Variants in HIRA observed in about 807,000 individuals in gnomAD.
HIRA encodes the protein protein HIRA.
HIRA carries 13 observed loss-of-function variants against 126.6 expected under a neutral mutation model. The ratio of observed to expected loss-of-function variants is 0.10; its 90% confidence interval spans 0.07 to 0.16. The LOEUF (loss-of-function observed/expected upper bound fraction) is 0.16. Among genes scored for constraint, HIRA ranks in the 10% least tolerant of loss-of-function variants. HIRA has a pLI of 1.00. For missense variants in HIRA, 834 were observed against 1,314.4 expected, an observed-to-expected ratio of 0.63 and a Z score of 5.65; for synonymous variants, 511 against 520.0, an observed-to-expected ratio of 0.98 and a Z score of 0.24.
intron 11 of HIRA, among the ~76,000 whole-genome samples, chr22:19,386,518 T>A (rs970267314): frequency 6.6e-6 from 1 of 152,244 alleles, no homozygotes; most frequent in African/African-American, 2.4e-5. Context: ...AGAGGCAGCG[T>A]TCCAAGAGAG....
chr22:19,416,096 T>C (rs1456632172), intron 1 of HIRA, among the ~76,000 whole-genome samples: 1 of 152,164 alleles, frequency 6.6e-6, no homozygotes, highest in Non-Finnish European at 1.5e-5. Context: ...TATGATCAAA[T>C]GATTTTGACA....
At chr22:19,391,952 G>C (rs1468386846) in intron 9 of HIRA, 149 bp downstream of exon 9, 2 of 477,970 alleles carry the variant, frequency 4.2e-6, no homozygotes, top group African/African-American at 1.9e-5. Flanking sequence ...GAGCAGGAGA[G>C]CCTGTGAGCT....
At chr22:19,355,716 C>T (rs782730157) in intron 21 of HIRA, 44 bp downstream of exon 21, 4 of 1,410,194 alleles carry the variant, frequency 2.8e-6, no homozygotes, top group Non-Finnish European at 4.0e-6. Context: ...CTAGAGCAGA[C>T]AGACACTCTT....
chr22:19,430,921 G>A (rs1267338122), intron 1 of HIRA, among the ~76,000 whole-genome samples: 1 of 152,138 alleles, frequency 6.6e-6, no homozygotes, highest in Non-Finnish European at 1.5e-5. Context: ...TCCTTCGCGG[G>A]GGCCCGGGGC....
At chr22:19,337,179 A>G (rs2088576226) in intron 24 of HIRA, among the ~76,000 whole-genome samples, 1 of 151,974 alleles carries the variant, frequency 6.6e-6, no homozygotes, top group Admixed American at 6.6e-5. Flanking sequence ...ATTGCCAAAG[A>G]ATTCAGAAGG....
rs1556004544 is a variant in HIRA at position 19,331,393 on chromosome 22, G to A, written c.*47C>T. On this transcript the variant is annotated 3_prime_UTR_variant, in exon 25 of 25. Transcript: ENST00000263208. ...GGCGGTCCTGCATGTCATCAGCGGC[G>A]AGAGTGTGGCCCTGCCCTTGCTGCA... 1.2e-6 allele frequency: 2 copies of A among 1,612,050 alleles called. No individual in the cohort carries two copies. The highest frequency in any genetic ancestry group is 1.7e-6 in the Non-Finnish European group (2 of 1,179,770).
chr22:19,431,521 C>T lies in HIRA; in HGVS notation c.-45G>A, dbSNP rs753927715. On this transcript the variant is annotated 5_prime_UTR_variant, in exon 1 of 25. Coordinates refer to ENST00000263208, the MANE Select transcript of HIRA (RefSeq NM_003325.4). The stretch of plus-strand genomic sequence containing the variant: ...CCGGGCTGAGGCGAGCGCCGGGTCC[C>T]TCAGCGCGCCCGGGCCATGGAGCCA... The T allele has an allele frequency of 1.3e-6, 2 of 1,518,824 alleles. No homozygotes were observed. 94.1% of individuals were successfully genotyped at this position (1,518,824 alleles called of 1,614,324 possible). A position where few individuals can be genotyped will look rare whatever the true frequency, so the allele number is the denominator to read the frequency against.
At chr22:19,345,026 G>A (rs879981526) in intron 24 of HIRA, among the ~76,000 whole-genome samples, 3 of 152,126 alleles carry the variant, frequency 2.0e-5, no homozygotes, top group Non-Finnish European at 2.9e-5. Flanking sequence ...AGCTAACATC[G>A]TACTTAATGG....
chr22:19,398,713 A>T (rs527969556), intron 5 of HIRA, among the ~76,000 whole-genome samples: 2 of 152,336 alleles, frequency 1.3e-5, no homozygotes, highest in Admixed American at 1.3e-4. Flanking sequence ...GCAGGGACTC[A>T]CGTCTGTAAT....
intron 24 of HIRA, among the ~76,000 whole-genome samples, chr22:19,344,609 T>C (rs1268750933): frequency 6.6e-6 from 1 of 152,148 alleles, no homozygotes; most frequent in Admixed American, 6.6e-5. Flanking sequence ...CCTTCCAAAA[T>C]AGGTAGGAAC....
intron 5 of HIRA, among the ~76,000 whole-genome samples, chr22:19,403,607 G>C (rs1252022742): frequency 6.6e-6 from 1 of 152,118 alleles, no homozygotes; most frequent in Non-Finnish European, 1.5e-5. Flanking sequence ...GCAGGACTCT[G>C]TCTCAAGTAA....
At chr22:19,405,748 T>C (rs748133330) in intron 5 of HIRA, 38 bp downstream of exon 5, 4 of 1,330,894 alleles carry the variant, frequency 3.0e-6, no homozygotes, top group East Asian at 2.8e-5. Context: ...GAGCCAGGTG[T>C]CAGGGGCCCA....
At chr22:19,359,865 C>T (rs1330667782) in intron 17 of HIRA, among the ~76,000 whole-genome samples, 1 of 152,210 alleles carries the variant, frequency 6.6e-6, no homozygotes, top group East Asian at 1.9e-4. Flanking sequence ...ACTTGGGTTT[C>T]TAGCCTCCTA....
chr22:19,335,517 T>A (rs1210887184), intron 24 of HIRA, among the ~76,000 whole-genome samples: 1 of 152,248 alleles, frequency 6.6e-6, no homozygotes, highest in African/African-American at 2.4e-5. Flanking sequence ...AGTGCTGGGA[T>A]TACAGGCGTG....
rs117494740 is a variant in HIRA, at chr22:19,415,645, C to G, written c.38-4867G>C. The stretch of plus-strand genomic sequence containing the variant: ...CTCTACTAAAAATACAAAAATTGGC[C>G]GGACATGGTAGCACATGCCTATAAT... On this transcript the variant is annotated intron_variant, in intron 1 of 24. Transcript: ENST00000263208. Among the ~76,000 whole-genome samples, 206 of 152,066 alleles carry G rather than the reference C, an allele frequency of 1.4e-3. 4 individuals are homozygous for G. The East Asian group carries it at 0.034, about 25-fold the overall frequency.
rs1284429803 is a variant in HIRA at position 19,408,550 on chromosome 22, G to T, written c.144C>A (p.Val48=). 4.3e-6 allele frequency: 7 copies of T among 1,613,642 alleles called. No homozygotes were observed. The highest frequency in any genetic ancestry group is 5.9e-6 in the Non-Finnish European group (7 of 1,179,666). ...GKVVIWNMSP[V]LQEDDEKDEN... ...CATCCTTCTCGTCATCCTCCTGGAG[G>T]ACTGGAGACATATTCCAGATCACAA... Residue 48 remains valine, a synonymous_variant, in exon 3 of 25, where the codon GTC becomes GTA. Coordinates refer to ENST00000263208, the MANE Select transcript of HIRA (RefSeq NM_003325.4).
At position 19,394,524 on chromosome 22, in the gene HIRA, T is replaced by C; in HGVS notation, c.655-15A>G. 1 of 1,612,184 alleles carries C rather than the reference T, an allele frequency of 6.2e-7. No individual in the cohort carries two copies. The highest frequency in any genetic ancestry group is 8.5e-7 in the Non-Finnish European group (1 of 1,178,654). ...GTTCCTCCACACTGAAAGAAGCATC[T>C]GCACTTGAAAGGAGCTCAAGGCCAC... On this transcript the variant is annotated splice_polypyrimidine_tract_variant and intron_variant, in intron 7 of 24. Transcript: ENST00000263208.
intron 1 of HIRA, among the ~76,000 whole-genome samples, chr22:19,420,957 T>C (rs1181393929): frequency 6.6e-6 from 1 of 152,110 alleles, no homozygotes; most frequent in African/African-American, 2.4e-5. Flanking sequence ...AGCTCAACAA[T>C]AACCACAATT....
At chr22:19,375,831 C>G in intron 14 of HIRA, 39 bp from the exon 15 acceptor site, 1 of 1,605,334 alleles carries the variant, frequency 6.2e-7, no homozygotes, top group Non-Finnish European at 8.5e-7. Context: ...AAGCGCAATC[C>G]TGAAAGGATC....
Sources: allele counts gnomAD v4.1 joint callset (sites outside exome capture counted in the v4.1 genomes callset), GRCh38; gene constraint gnomAD v4.1.1; transcripts MANE v1.5; gene names NCBI Gene and HGNC (gene_info 2026-07-23, HGNC 2026-07-21).